Variants in SPINT4 observed in about 807,000 individuals in gnomAD.
SPINT4 encodes the protein kunitz-type protease inhibitor 4.
SPINT4 carries 7 observed loss-of-function variants against 9.4 expected under a neutral mutation model. That is an observed-to-expected ratio of 0.74 (90% confidence interval 0.42 to 1.40). SPINT4 has a LOEUF of 1.40. Ranked by LOEUF, SPINT4 falls within the 40% of genes most tolerant of loss-of-function variation. The probability of loss-of-function intolerance (pLI) is 0.01; values close to 1 mark genes in which losing one functional copy is unlikely to be tolerated. For missense variants in SPINT4, 105 were observed against 114.4 expected (o/e 0.92, Z 0.37); for synonymous variants, 36 against 39.9 (o/e 0.90, Z 0.37).
Position 45,725,729 on chromosome 20 carries a change from T to C in SPINT4, c.*94T>C. Reference sequence around the variant, plus strand: ...TTTTGAAATCTTTGTAATATTTCCATAATGCTTTAAGCTTCCATATGTTTG... The same window carrying C: ...TTTTGAAATCTTTGTAATATTTCCACAATGCTTTAAGCTTCCATATGTTTG... On this transcript the variant is annotated 3_prime_UTR_variant, in exon 3 of 3. Transcript: ENST00000279058. The C allele has an allele frequency of 6.6e-7, 1 of 1,526,058 alleles. No homozygotes were observed. The highest frequency in any genetic ancestry group is 9.1e-7 in the Non-Finnish European group (1 of 1,100,246). The allele number at this position is 1,526,058 out of a possible 1,614,324, so 94.5% of individuals were successfully genotyped here. A position where few individuals can be genotyped will look rare whatever the true frequency, so the allele number is the denominator to read the frequency against.
intron 2 of SPINT4, 35 bp downstream of exon 2, chr20:45,724,092 G>T (rs761414529): frequency 8.3e-6 from 13 of 1,566,040 alleles, no homozygotes; most frequent in Non-Finnish European, 1.0e-5. Flanking sequence ...GTCCTTGGGG[G>T]TAGTAAAAGA....
Position 45,725,633 on chromosome 20 carries a change from T to TGA in SPINT4, c.*2_*3dup. ...TTCTTTCCTTTGCTTAAACAGGAGG[T>TGA]GAGAGGATGTGAACTCATGAAGTTG... ...ACVAKYKPPR[*] is the part of the protein sequence containing the mutation. Residue 100 remains the stop codon, a frameshift_variant and stop_retained_variant, in exon 3 of 3, where the codon TGA becomes TGAGA. Coordinates refer to ENST00000279058, the MANE Select transcript of SPINT4 (RefSeq NM_178455.3). LOFTEE classifies it high-confidence loss of function. 6.2e-7 allele frequency: 1 copy of TGA among 1,613,506 alleles called. No individual in the cohort carries two copies. The highest frequency in any genetic ancestry group is 8.5e-7 in the Non-Finnish European group (1 of 1,179,614).
Position 45,723,985 on chromosome 20 carries a change from G to A in SPINT4, c.221G>A (p.Cys74Tyr), listed in dbSNP as rs1984865164. The stretch of plus-strand genomic sequence containing the variant: ...TGTGAAACTTTTGTCTTCTCCGGCT[G>A]TAATGGCAACCTTAACAACTTCAAG... ...KRCETFVFSG[C>Y]NGNLNNFKLK... The change falls in exon 2 of 3, where the codon TGT becomes TAT. Residue 74 changes from cysteine (C) to tyrosine (Y), a missense_variant. Transcript: ENST00000279058. 6.2e-7 allele frequency: 1 copy of A among 1,610,556 alleles called. No homozygotes were observed. Among genetic ancestry groups the A allele is most frequent in the Non-Finnish European group, 8.5e-7 (1 of 1,179,006 alleles).
intron 1 of SPINT4, 58 bp downstream of exon 1, chr20:45,722,540 A>T (rs998195288): frequency 7.7e-7 from 1 of 1,301,288 alleles, no homozygotes; most frequent in African/African-American, 1.5e-5. Flanking sequence ...GAGAGAAGGT[A>T]TTGGGAGAAA....
At chr20:45,722,796 T>C (rs192208662) in intron 1 of SPINT4, among the ~76,000 whole-genome samples, 13 of 152,248 alleles carry the variant, frequency 8.5e-5, no homozygotes, top group African/African-American at 2.9e-4. Flanking sequence ...GATGATTATG[T>C]ATTGGGATGA....
At chr20:45,723,678 C>T (rs1269654640) in intron 1 of SPINT4, among the ~76,000 whole-genome samples, 2 of 152,130 alleles carry the variant, frequency 1.3e-5, no homozygotes, top group African/African-American at 4.8e-5. Context: ...CGACAACAAC[C>T]TGGAATTTTA....
intron 2 of SPINT4, 96 bp downstream of exon 2, chr20:45,724,153 C>A: frequency 7.6e-7 from 1 of 1,317,478 alleles, no homozygotes; most frequent in Non-Finnish European, 1.0e-6. Flanking sequence ...GCTAACCTTG[C>A]TTGGAGTGGG....
In SPINT4 at chr20:45,725,781, T is replaced by C; in HGVS notation, c.*146T>C. The C allele has an allele frequency of 1.0e-6, 1 of 1,003,006 alleles. No homozygotes were observed. Among genetic ancestry groups the C allele is most frequent in the Non-Finnish European group, 1.5e-6 (1 of 648,584 alleles). 62.1% of individuals were successfully genotyped at this position (1,003,006 alleles called of 1,614,324 possible). ...TATTTTCCTGACCCTAGTTTTGTCT[T>C]TCCTGGAAATTAACTGTATGATCAT... On this transcript the variant is annotated 3_prime_UTR_variant, in exon 3 of 3. Transcript: ENST00000279058.
chr20:45,725,522 G>C (rs1293152071), intron 2 of SPINT4, 107 bp from the exon 3 acceptor site: 1 of 1,099,652 alleles, frequency 9.1e-7, no homozygotes, highest in African/African-American at 1.6e-5. Flanking sequence ...GAGATAGAAG[G>C]CATCCTCTGT....
chr20:45,724,993 A>T (rs867270445), intron 2 of SPINT4, among the ~76,000 whole-genome samples: 75 of 38,482 alleles, frequency 1.9e-3, no homozygotes, highest in Non-Finnish European at 2.3e-3. Flanking sequence ...AAAAAAAAAA[A>T]AAATATATAT....
Position 45,725,785 on chromosome 20 carries a change from T to G in SPINT4, c.*150T>G. The G allele has an allele frequency of 8.1e-6, 8 of 989,586 alleles. No individual in the cohort carries two copies. The South Asian group carries it at 1.0e-4, about 12-fold the overall frequency. The allele number at this position is 989,586 out of a possible 1,614,324, so 61.3% of individuals were successfully genotyped here. ...TTCCTGACCCTAGTTTTGTCTTTCC[T>G]GGAAATTAACTGTATGATCATTAGA... On this transcript the variant is annotated 3_prime_UTR_variant, in exon 3 of 3. Coordinates refer to ENST00000279058, the MANE Select transcript of SPINT4 (RefSeq NM_178455.3).
Position 45,723,901 on chromosome 20 carries a change from A to C in SPINT4, c.137A>C (p.Asn46Thr). 5 of 1,593,030 alleles carry C rather than the reference A, an allele frequency of 3.1e-6. No individual in the cohort carries two copies. The highest frequency in any genetic ancestry group is 4.3e-6 in the Non-Finnish European group (5 of 1,174,096). Residue 46 changes from asparagine to threonine, a missense_variant, in exon 2 of 3, where the codon AAT becomes ACT. Coordinates refer to ENST00000279058, the MANE Select transcript of SPINT4 (RefSeq NM_178455.3). ...DLKDPCKLDM[N>T]FGSCYEVHFR... is the part of the protein sequence containing the mutation. ...GCAGATCCCTGCAAATTGGACATGA[A>C]TTTTGGAAGCTGCTATGAAGTTCAC...
At chr20:45,724,519 A>G (rs1302160113) in intron 2 of SPINT4, among the ~76,000 whole-genome samples, 4 of 64,946 alleles carry the variant, frequency 6.2e-5, no homozygotes, top group Non-Finnish European at 1.1e-4. Context: ...ATCTAAAAAA[A>G]AAAAAAAAAA....
intron 1 of SPINT4, among the ~76,000 whole-genome samples, 158 bp from the exon 2 acceptor site, chr20:45,723,722 A>T (rs1219741177): frequency 6.6e-5 from 10 of 152,168 alleles, no homozygotes; most frequent in Non-Finnish European, 1.5e-4. Flanking sequence ...AACATTTCCA[A>T]GCAACTCTAA....
chr20:45,725,779 C>T lies in SPINT4; in HGVS notation c.*144C>T, dbSNP rs1978372174. ...GCTATTTTCCTGACCCTAGTTTTGT[C>T]TTTCCTGGAAATTAACTGTATGATC... is the stretch of plus-strand genomic sequence containing the variant. On this transcript the variant is annotated 3_prime_UTR_variant, in exon 3 of 3. Transcript: ENST00000279058. 2 of 1,066,046 alleles carry T rather than the reference C, an allele frequency of 1.9e-6. No individual in the cohort carries two copies. The highest frequency in any genetic ancestry group is 3.2e-5 in the African/African-American group (2 of 63,374). 66.0% of individuals were successfully genotyped at this position (1,066,046 alleles called of 1,614,324 possible).
Position 45,722,430 on chromosome 20 carries a change from G to T in SPINT4, c.63G>T (p.Leu21=). Residue 21 remains leucine, a synonymous_variant, in exon 1 of 3, where the codon CTG becomes CTT. Transcript: ENST00000279058. ...TCATCTTCTGCTCATTGAATACCCT[G>T]TTATTGGGTGGTGTTAATAAAATTG... The part of the protein sequence containing the change: ...RFFIFCSLNT[L]LLGGVNKIAE... 1 of 1,613,776 alleles carries T rather than the reference G, an allele frequency of 6.2e-7. No individual in the cohort carries two copies. Among genetic ancestry groups the T allele is most frequent in the Non-Finnish European group, 8.5e-7 (1 of 1,179,672 alleles).
At chr20:45,724,776 C>T (rs975950277) in intron 2 of SPINT4, among the ~76,000 whole-genome samples, 1 of 149,068 alleles carries the variant, frequency 6.7e-6, no homozygotes, top group Non-Finnish European at 1.5e-5. Context: ...GTCAGGAGAT[C>T]GAGACCATCC....
chr20:45,725,296 T>C (rs1978345328), intron 2 of SPINT4, among the ~76,000 whole-genome samples: 1 of 151,708 alleles, frequency 6.6e-6, no homozygotes. Flanking sequence ...TCATTGGAAA[T>C]AGAAGGTCAA....
In SPINT4 at chr20:45,722,486, T is replaced by G. The variant is rs780027209; in HGVS notation, c.115+4T>G. On this transcript the variant is annotated splice_donor_region_variant and intron_variant, in intron 1 of 2. Coordinates refer to ENST00000279058, the MANE Select transcript of SPINT4 (RefSeq NM_178455.3). Reference sequence around the variant, plus strand: ...AAGATATGTGGAGACCTCAAAGGTATGAAGCTAAGGCAGAAAATAAATCCA... The same window carrying G: ...AAGATATGTGGAGACCTCAAAGGTAGGAAGCTAAGGCAGAAAATAAATCCA... The G allele has an allele frequency of 6.3e-7, 1 of 1,586,294 alleles. No homozygotes were observed. Among genetic ancestry groups the G allele is most frequent in the Non-Finnish European group, 8.7e-7 (1 of 1,154,480 alleles).
Sources: gnomAD v4.1 joint callset for allele counts (sites outside exome capture counted in the v4.1 genomes callset) on GRCh38, gnomAD v4.1.1 for gene constraint, MANE v1.5 for transcripts, NCBI Gene and HGNC (gene_info 2026-07-23, HGNC 2026-07-21) for gene names.